The following HABP4 variants were observed in gnomAD, a reference collection of about 807,000 sequenced individuals.
HABP4 encodes the protein hyaluronan binding protein 4.
A neutral mutation model predicts 44.1 loss-of-function variants in HABP4; 32 were observed. The ratio of observed to expected loss-of-function variants is 0.73; its 90% confidence interval spans 0.55 to 0.97. HABP4 has a LOEUF of 0.97. Among genes scored for constraint, HABP4 ranks in the 50% least tolerant of loss-of-function variants. The pLI, the probability that HABP4 is intolerant of heterozygous loss-of-function variation, is 0.00. For missense variants in HABP4, 503 were observed against 561.9 expected, an observed-to-expected ratio of 0.90 and a Z score of 1.06; for synonymous variants, 216 against 218.0, an observed-to-expected ratio of 0.99 and a Z score of 0.08.
chr9:96,488,033 T>G lies in HABP4; in HGVS notation c.1000-56T>G. The stretch of plus-strand genomic sequence containing the variant: ...AGCACACTGCAGCCACTAAGCCAGA[T>G]GAGTGTGGGGATGGCTGTGGACTTG... On this transcript the variant is annotated intron_variant, in intron 6 of 7. Transcript: ENST00000375249. The surrounding 1 kb of genome is among the most constrained non-coding windows in gnomAD (Gnocchi z 4.6). 8.2e-7 allele frequency: 1 copy of G among 1,223,484 alleles called. No homozygotes were observed. Among genetic ancestry groups the G allele is most frequent in the Non-Finnish European group, 1.2e-6 (1 of 833,226 alleles). 75.8% of individuals were successfully genotyped at this position (1,223,484 alleles called of 1,614,324 possible). A position where few individuals can be genotyped will look rare whatever the true frequency, so the allele number is the denominator to read the frequency against.
intron 5 of HABP4, among the ~76,000 whole-genome samples, chr9:96,475,649 A>T (rs1045843453): frequency 1.3e-5 from 2 of 152,166 alleles, no homozygotes; most frequent in African/African-American, 4.8e-5. Context: ...GAATAGCAAA[A>T]AGTGCTGTTC....
intron 5 of HABP4, among the ~76,000 whole-genome samples, chr9:96,480,195 A>G (rs930972710): frequency 3.8e-4 from 58 of 152,086 alleles, no homozygotes; most frequent in Non-Finnish European, 8.8e-5. Context: ...AAAACAAAAA[A>G]ACTATCTATC....
At chr9:96,451,399 A>G (rs1383378375) in intron 1 of HABP4, 1 of 831,632 alleles carries the variant, frequency 1.2e-6, no homozygotes, top group African/African-American at 1.8e-5. Flanking sequence ...TTCAGAGTTC[A>G]TTCTCTCACC....
In HABP4 at chr9:96,450,169, A is replaced by G; in HGVS notation, c.-111A>G. On this transcript the variant is annotated 5_prime_UTR_variant, in exon 1 of 8. Coordinates refer to ENST00000375249, the MANE Select transcript of HABP4 (RefSeq NM_014282.4). The surrounding 1 kb of genome is among the most constrained non-coding windows in gnomAD (Gnocchi z 4.8). ...GGCGCCGGTAGGGGCCGGACAGGGT[A>G]GGGCCCGGAGGGCGGTGGCGGCGGA... The G allele has an allele frequency of 3.7e-6, 4 of 1,089,266 alleles. No homozygotes were observed. Among genetic ancestry groups the G allele is most frequent in the South Asian group, 3.6e-5 (1 of 27,750 alleles). The allele number at this position is 1,089,266 out of a possible 1,614,324, so 67.5% of individuals were successfully genotyped here.
chr9:96,487,162 G>A (rs1340255898), intron 6 of HABP4, among the ~76,000 whole-genome samples: 1 of 149,466 alleles, frequency 6.7e-6, no homozygotes, highest in Non-Finnish European at 1.5e-5. Context: ...GCTGTCATGA[G>A]CATATGGCCT....
intron 5 of HABP4, chr9:96,483,205 CTCTGTGG>C (rs764125127): frequency 0.23 from 35,154 of 152,080 alleles, 5,047 homozygotes; most frequent in African/African-American, 0.41. Context: ...ACTGGTGCAG[CTCTGTGG>C]TTTTGACTTG....
At chr9:96,453,558 A>G (rs997122723) in intron 1 of HABP4, among the ~76,000 whole-genome samples, 1 of 152,222 alleles carries the variant, frequency 6.6e-6, no homozygotes, top group African/African-American at 2.4e-5. Context: ...CAATATGTAT[A>G]TAAACCCTTG....
At position 96,488,435 on chromosome 9, in the gene HABP4, T is replaced by C. The variant is rs568977598; in HGVS notation, c.1185+161T>C. ...GCATTTGGACGGTGTTGTAGCATCA[T>C]GGACATCTTGCCTAGAGACCGTTCT... On this transcript the variant is annotated intron_variant, in intron 7 of 7. Coordinates refer to ENST00000375249, the MANE Select transcript of HABP4 (RefSeq NM_014282.4). The surrounding 1 kb of genome is among the most constrained non-coding windows in gnomAD (Gnocchi z 4.6). Among the ~76,000 whole-genome samples, 6 of 152,316 alleles carry C rather than the reference T, an allele frequency of 3.9e-5. No individual in the cohort carries two copies. In the South Asian group the frequency reaches 1.2e-3, roughly 32 times the overall value.
At chr9:96,467,688 G>T (rs1241435535) in intron 4 of HABP4, among the ~76,000 whole-genome samples, 1 of 151,916 alleles carries the variant, frequency 6.6e-6, no homozygotes, top group African/African-American at 2.4e-5. Flanking sequence ...ACCACGCCTG[G>T]TTAATTTTTG....
chr9:96,455,144 T>C (rs1246911383), intron 1 of HABP4, among the ~76,000 whole-genome samples: 1 of 151,796 alleles, frequency 6.6e-6, no homozygotes, highest in African/African-American at 2.4e-5. Flanking sequence ...TATCTTGATA[T>C]GTCTGCAATC....
In HABP4 at chr9:96,465,520, A is replaced by AT. The variant is rs745437077; in HGVS notation, c.674+26dup. ...AAATGTAAGTTTCTTTGTAAATGCT[A>AT]TTTTCACTTTAAGATGGTGTCAGCA... is the stretch of plus-strand genomic sequence containing the variant. On this transcript the variant is annotated intron_variant, in intron 3 of 7. Coordinates refer to ENST00000375249, the MANE Select transcript of HABP4 (RefSeq NM_014282.4). 5 of 1,541,896 alleles carry AT rather than the reference A, an allele frequency of 3.2e-6. No individual in the cohort carries two copies. In the East Asian group the frequency reaches 9.0e-5, roughly 28 times the overall value.
intron 1 of HABP4, among the ~76,000 whole-genome samples, chr9:96,452,445 C>G (rs1832300542): frequency 6.6e-6 from 1 of 152,014 alleles, no homozygotes; most frequent in Admixed American, 6.6e-5. Flanking sequence ...TCTTTTCTTT[C>G]TAAACTTAAA....
At position 96,488,347 on chromosome 9, in the gene HABP4, T is replaced by C. The variant is rs966574619; in HGVS notation, c.1185+73T>C. On this transcript the variant is annotated intron_variant, in intron 7 of 7. Transcript: ENST00000375249. The surrounding 1 kb of genome is among the most constrained non-coding windows in gnomAD (Gnocchi z 4.6). ...TGCCCTGGGCCCAGGATGGTCTAAT[T>C]TCAGAGGGTCATGAGTTTCTGCAGT... The C allele has an allele frequency of 9.1e-6, 9 of 987,638 alleles. No individual in the cohort carries two copies. In the African/African-American group the frequency reaches 1.3e-4, roughly 14 times the overall value. The allele number at this position is 987,638 out of a possible 1,614,324, so 61.2% of individuals were successfully genotyped here.
chr9:96,480,483 C>G (rs1409627247), intron 5 of HABP4, among the ~76,000 whole-genome samples: 21 of 152,132 alleles, frequency 1.4e-4, no homozygotes. Flanking sequence ...ATTTTTCCAG[C>G]ATTTTATTGT....
chr9:96,469,031 C>G (rs1002032267), intron 4 of HABP4, among the ~76,000 whole-genome samples: 5 of 152,164 alleles, frequency 3.3e-5, no homozygotes, highest in African/African-American at 1.2e-4. Context: ...TATTTGAAGA[C>G]GCTGACAGCA....
At chr9:96,467,082 C>G (rs575121173) in intron 4 of HABP4, among the ~76,000 whole-genome samples, 47 of 152,116 alleles carry the variant, frequency 3.1e-4, no homozygotes, top group Non-Finnish European at 7.4e-5. Flanking sequence ...GCCACCATGC[C>G]TGGCTAATTT....
At chr9:96,456,814 T>C (rs868710530) in intron 1 of HABP4, among the ~76,000 whole-genome samples, 1 of 112,106 alleles carries the variant, frequency 8.9e-6, no homozygotes. Context: ...TATATATATA[T>C]ATATATATCC....
At chr9:96,485,658 A>G (rs1239392477) in intron 6 of HABP4, among the ~76,000 whole-genome samples, 1 of 152,192 alleles carries the variant, frequency 6.6e-6, no homozygotes, top group Non-Finnish European at 1.5e-5. Flanking sequence ...TAGGGATGCC[A>G]TGGGGTCATC....
intron 1 of HABP4, among the ~76,000 whole-genome samples, chr9:96,454,378 T>C (rs1385912020): frequency 3.3e-5 from 5 of 152,230 alleles, no homozygotes; most frequent in Non-Finnish European, 7.3e-5. Context: ...ATTTTCAACT[T>C]GTTAGGTAAT....
Sources: allele counts gnomAD v4.1 joint callset (sites outside exome capture counted in the v4.1 genomes callset), GRCh38; gene constraint gnomAD v4.1.1; non-coding constraint Gnocchi (gnomAD v3.1); transcripts MANE v1.5; gene names NCBI Gene and HGNC (gene_info 2026-07-23, HGNC 2026-07-21).